The following SH3BP5 variants were observed in gnomAD, a reference collection of about 807,000 sequenced individuals.
SH3BP5 encodes the protein SH3 domain-binding protein 5.
In SH3BP5, 22 loss-of-function variants were observed where a neutral mutation model predicts 43.3. That is an observed-to-expected ratio of 0.51 (90% CI 0.36 to 0.73). The LOEUF is 0.73. Ranked by LOEUF, SH3BP5 falls within the 30% of genes least tolerant of loss-of-function variation. The pLI is 0.00. For missense variants in SH3BP5, 529 were observed against 586.9 expected, an observed-to-expected ratio of 0.90 and a Z score of 1.02; for synonymous variants, 255 against 225.8, an observed-to-expected ratio of 1.13 and a Z score of -1.16.
At chr3:15,262,024 G>A (rs1575280241) in intron 5 of SH3BP5, 135 bp downstream of exon 5, 1 of 929,032 alleles carries the variant, frequency 1.1e-6, no homozygotes, top group Non-Finnish European at 1.6e-6. Flanking sequence ...CTGAGCAGGG[G>A]GGCTCTGGTG....
chr3:15,261,302 A>G (rs535261854), intron 5 of SH3BP5, among the ~76,000 whole-genome samples: 4 of 152,280 alleles, frequency 2.6e-5, no homozygotes, highest in African/African-American at 9.6e-5. Context: ...AGCAGAAACT[A>G]AAGAAAAGTC....
chr3:15,307,268 G>A (rs1402005065), intron 2 of SH3BP5, among the ~76,000 whole-genome samples: 12 of 152,030 alleles, frequency 7.9e-5, no homozygotes, highest in African/African-American at 2.4e-4. Flanking sequence ...AGGGTCATCC[G>A]CTGCAGCTTC....
At chr3:15,310,242 G>C (rs1393965060) in intron 2 of SH3BP5, among the ~76,000 whole-genome samples, 3 of 152,224 alleles carry the variant, frequency 2.0e-5, no homozygotes, top group Admixed American at 2.0e-4. Flanking sequence ...AGATGTTTAA[G>C]AGGATGGAAT....
intron 2 of SH3BP5, among the ~76,000 whole-genome samples, chr3:15,321,573 CA>C: frequency 6.7e-6 from 1 of 149,826 alleles, no homozygotes; most frequent in East Asian, 1.9e-4. Context: ...AAAATTATAA[CA>C]GATGGTCATT....
At chr3:15,291,295 AC>A (rs759824889) in intron 3 of SH3BP5, among the ~76,000 whole-genome samples, 4 of 152,172 alleles carry the variant, frequency 2.6e-5, no homozygotes, top group Non-Finnish European at 5.9e-5. Flanking sequence ...CCACAGCTCC[AC>A]ATGCTGTGGA....
intron 1 of SH3BP5, 99 bp downstream of exon 1, chr3:15,332,172 C>A: frequency 6.6e-7 from 1 of 1,520,102 alleles, no homozygotes. Context: ...GTCCCCGGAC[C>A]ACAGTTACTG....
At chr3:15,314,608 G>A (rs1698141611) in intron 2 of SH3BP5, among the ~76,000 whole-genome samples, 2 of 152,218 alleles carry the variant, frequency 1.3e-5, no homozygotes, top group Non-Finnish European at 2.9e-5. Flanking sequence ...AAGACCACCA[G>A]GGAGCTGGAG....
intron 3 of SH3BP5, among the ~76,000 whole-genome samples, chr3:15,271,335 C>T (rs564522049): frequency 2.6e-5 from 4 of 152,222 alleles, no homozygotes; most frequent in African/African-American, 9.6e-5. Context: ...TGCACTCCAA[C>T]CTGGGTAACA....
At position 15,255,250 on chromosome 3, in the gene SH3BP5, C is replaced by A. The variant is rs918257730; in HGVS notation, c.*836G>T. 1.3e-5 allele frequency: 2 copies of A among 152,606 alleles called. No homozygotes were observed. The highest frequency in any genetic ancestry group is 4.8e-5 in the African/African-American group (2 of 41,424). The allele number at this position is 152,606 out of a possible 1,614,324, so 9.5% of individuals were successfully genotyped here. A position where few individuals can be genotyped will look rare whatever the true frequency, so the allele number is the denominator to read the frequency against. ...ATAATTTCATTTATTTTTAAAGTTA[C>A]AACCTACAGAGAAATTAACATCTTG... On this transcript the variant is annotated 3_prime_UTR_variant, in exon 9 of 9. Transcript: ENST00000383791.
chr3:15,326,805 G>A (rs899081623), intron 2 of SH3BP5, among the ~76,000 whole-genome samples: 4 of 152,208 alleles, frequency 2.6e-5, no homozygotes, highest in African/African-American at 9.7e-5. Flanking sequence ...GTGCAGAAGT[G>A]CTGTCTAGTG....
chr3:15,262,036 G>A, intron 5 of SH3BP5, 123 bp downstream of exon 5: 1 of 1,112,874 alleles, frequency 9.0e-7, no homozygotes, highest in Non-Finnish European at 1.3e-6. Flanking sequence ...GCTCTGGTGA[G>A]GCCCCAGGGT....
chr3:15,268,060 G>A (rs1412963471), intron 4 of SH3BP5, among the ~76,000 whole-genome samples: 2 of 151,926 alleles, frequency 1.3e-5, no homozygotes, highest in Non-Finnish European at 2.9e-5. Flanking sequence ...CATTTTTCTC[G>A]AGATGACCCA....
At chr3:15,259,490 C>G in intron 6 of SH3BP5, 2 of 573,784 alleles carry the variant, frequency 3.5e-6, no homozygotes. Flanking sequence ...TATCAGGTCT[C>G]CAGGTGATGC....
At chr3:15,300,913 G>A (rs1344319049) in intron 3 of SH3BP5, among the ~76,000 whole-genome samples, 2 of 152,122 alleles carry the variant, frequency 1.3e-5, no homozygotes, top group Admixed American at 6.5e-5. Context: ...CCCAGGACCT[G>A]GGCATCATCT....
chr3:15,265,744 G>A (rs889426117), intron 4 of SH3BP5, among the ~76,000 whole-genome samples: 6 of 152,030 alleles, frequency 3.9e-5, no homozygotes, highest in African/African-American at 1.2e-4. Context: ...TAAGTAAGGA[G>A]GAGAGCGGCT....
chr3:15,340,638 C>T (rs12485359), intron 1 of SH3BP5, among the ~76,000 whole-genome samples: 21,951 of 152,064 alleles, frequency 0.14, 1,850 homozygotes, highest in Middle Eastern at 0.28. Flanking sequence ...GTAATCCCAG[C>T]TACTCAGGAG....
Position 15,340,476 on chromosome 3 carries a change from A to G in SH3BP5, c.-402+747T>C, listed in dbSNP as rs188067055. ...CAGACAAATGGTTAAATACATAAAA[A>G]AGCAACATAGGCCGGCATGGTGGCT... On this transcript the variant is annotated intron_variant, in intron 1 of 8. Coordinates refer to the SH3BP5 transcript ENST00000408919. Among the ~76,000 whole-genome samples the G allele has an allele frequency of 2.6e-5, 4 of 152,300 alleles. No individual in the cohort carries two copies. The East Asian group carries it at 7.7e-4, about 29-fold the overall frequency.
chr3:15,334,679 G>A (rs1652132659), upstream of SH3BP5, among the ~76,000 whole-genome samples: 1 of 152,202 alleles, frequency 6.6e-6, no homozygotes, highest in Non-Finnish European at 1.5e-5. Context: ...GGCTGCTCAT[G>A]GTGGTTCATG....
chr3:15,323,394 G>A (rs956978636), intron 2 of SH3BP5, among the ~76,000 whole-genome samples: 3 of 152,186 alleles, frequency 2.0e-5, no homozygotes, highest in Non-Finnish European at 2.9e-5. Flanking sequence ...TTTGGCCCCA[G>A]TGGACATCTC....
Sources: allele counts gnomAD v4.1 joint callset (sites outside exome capture counted in the v4.1 genomes callset), GRCh38; gene constraint gnomAD v4.1.1; transcripts MANE v1.5; gene names NCBI Gene and HGNC (gene_info 2026-07-23, HGNC 2026-07-21).